Variants in TRPM3 observed in about 807,000 individuals in gnomAD.
TRPM3 encodes the protein transient receptor potential cation channel subfamily M member 3.
In TRPM3, 77 loss-of-function variants were observed where a neutral mutation model predicts 181.2. The observed-to-expected ratio is 0.42, with a 90% confidence interval of 0.35 to 0.51. TRPM3 has a LOEUF of 0.51. TRPM3 is among the 20% of genes least tolerant of loss of function. The pLI, the probability that TRPM3 is intolerant of heterozygous loss-of-function variation, is 0.01. For synonymous variants in TRPM3, 745 were observed against 796.4 expected, an observed-to-expected ratio of 0.94 and a Z score of 1.09; for missense variants, 1,759 against 2,196.7, an observed-to-expected ratio of 0.80 and a Z score of 3.98.
chr9:71,277,975 G>A (rs1019027080), intron 1 of TRPM3, among the ~76,000 whole-genome samples: 1 of 152,202 alleles, frequency 6.6e-6, no homozygotes, highest in Non-Finnish European at 1.5e-5. Context: ...TATAAAGAGA[G>A]TGGGACAGCA....
chr9:71,281,232 T>C (rs927467717), intron 1 of TRPM3, among the ~76,000 whole-genome samples: 4 of 152,092 alleles, frequency 2.6e-5, no homozygotes, highest in Non-Finnish European at 4.4e-5. Flanking sequence ...TGGAAGAAGC[T>C]GAGAAAACAA....
At chr9:70,560,966 T>G (rs930530867) in intron 22 of TRPM3, among the ~76,000 whole-genome samples, 2 of 152,156 alleles carry the variant, frequency 1.3e-5, no homozygotes, top group Non-Finnish European at 2.9e-5. Flanking sequence ...CCCTAAAAAG[T>G]CAGAGAAATT....
chr9:71,373,152 A>G (rs907242925), intron 1 of TRPM3, among the ~76,000 whole-genome samples: 2 of 152,194 alleles, frequency 1.3e-5, no homozygotes, highest in African/African-American at 4.8e-5. Context: ...ATAGCACTAC[A>G]TGCCCACATG....
chr9:71,164,650 A>G (rs898821383), intron 1 of TRPM3, among the ~76,000 whole-genome samples: 17 of 151,868 alleles, frequency 1.1e-4, no homozygotes, highest in African/African-American at 3.9e-4. Flanking sequence ...GAGAGTGAGA[A>G]CAATGAATTT....
At chr9:71,163,684 A>T (rs772824525) in intron 1 of TRPM3, among the ~76,000 whole-genome samples, 1 of 152,166 alleles carries the variant, frequency 6.6e-6, no homozygotes, top group Non-Finnish European at 1.5e-5. Flanking sequence ...GGATAAGCAC[A>T]TCTAAGATAT....
intron 6 of TRPM3, chr9:70,811,210 C>T: frequency 6.2e-7 from 1 of 1,612,424 alleles, no homozygotes; most frequent in Non-Finnish European, 8.5e-7. Context: ...ATGAATAAAA[C>T]AAGCGGGAGT....
At chr9:71,382,853 C>G (rs932987382) in intron 1 of TRPM3, among the ~76,000 whole-genome samples, 2 of 151,886 alleles carry the variant, frequency 1.3e-5, no homozygotes, top group Admixed American at 1.3e-4. Flanking sequence ...TACTCATCAA[C>G]CACTGGGATG....
chr9:71,037,666 T>C (rs1468462066), intron 1 of TRPM3, among the ~76,000 whole-genome samples: 1 of 152,262 alleles, frequency 6.6e-6, no homozygotes, highest in Non-Finnish European at 1.5e-5. Context: ...CTTCACTTCT[T>C]GGCTAACAGC....
chr9:70,668,672 GAAAAAAAA>G (rs57929544), intron 9 of TRPM3, among the ~76,000 whole-genome samples: 11 of 86,512 alleles, frequency 1.3e-4, no homozygotes, highest in South Asian at 8.9e-4. Context: ...CTCAAAAAAA[GAAAAAAAA>G]AAAAAAAAAA....
At chr9:70,922,971 A>C (rs1406788274) in intron 1 of TRPM3, among the ~76,000 whole-genome samples, 1 of 150,958 alleles carries the variant, frequency 6.6e-6, no homozygotes, top group Non-Finnish European at 1.5e-5. Flanking sequence ...CATCTGAAAC[A>C]GTGTAATTGA....
At chr9:70,772,886 C>T (rs550253724) in intron 7 of TRPM3, among the ~76,000 whole-genome samples, 3 of 152,352 alleles carry the variant, frequency 2.0e-5, no homozygotes, top group Admixed American at 6.5e-5. Context: ...ATCACACTCT[C>T]TGAGTTCATT....
At chr9:71,039,999 G>T (rs1428512235) in intron 1 of TRPM3, among the ~76,000 whole-genome samples, 1 of 152,034 alleles carries the variant, frequency 6.6e-6, no homozygotes, top group Admixed American at 6.6e-5. Flanking sequence ...CTGTTTCCTT[G>T]TTCAATAAAT....
At chr9:70,785,830 G>A (rs1331978303) in intron 6 of TRPM3, among the ~76,000 whole-genome samples, 1 of 152,130 alleles carries the variant, frequency 6.6e-6, no homozygotes, top group Non-Finnish European at 1.5e-5. Flanking sequence ...CACAAAAGTG[G>A]GTGCTGTTTT....
intron 8 of TRPM3, among the ~76,000 whole-genome samples, chr9:70,686,447 G>T (rs1216597359): frequency 6.6e-6 from 1 of 152,134 alleles, no homozygotes; most frequent in Non-Finnish European, 1.5e-5. Flanking sequence ...TCTGAGGGGA[G>T]TTCTTTAATT....
chr9:70,569,032 T>C (rs1401131995), intron 22 of TRPM3, among the ~76,000 whole-genome samples: 1 of 152,200 alleles, frequency 6.6e-6, no homozygotes, highest in African/African-American at 2.4e-5. Context: ...AGAAGCCCAG[T>C]CTTCATTTAA....
At chr9:71,150,598 T>C (rs1404195085) in intron 1 of TRPM3, among the ~76,000 whole-genome samples, 1 of 152,130 alleles carries the variant, frequency 6.6e-6, no homozygotes, top group East Asian at 1.9e-4. Context: ...ATACAACCTT[T>C]CAAATTATTT....
intron 7 of TRPM3, among the ~76,000 whole-genome samples, chr9:70,772,465 T>C: frequency 6.6e-6 from 1 of 152,022 alleles, no homozygotes; most frequent in East Asian, 1.9e-4. Flanking sequence ...CTTGGCCTCC[T>C]GAGATGCCAC....
At chr9:71,254,878 C>A (rs527319989) in intron 1 of TRPM3, among the ~76,000 whole-genome samples, 10 of 152,188 alleles carry the variant, frequency 6.6e-5, no homozygotes, top group African/African-American at 1.9e-4. Context: ...GGAAAGAAGA[C>A]AAAGGGTCCC....
intron 1 of TRPM3, among the ~76,000 whole-genome samples, chr9:71,285,669 T>C (rs1049553498): frequency 5.3e-5 from 8 of 152,222 alleles, no homozygotes; most frequent in African/African-American, 1.9e-4. Flanking sequence ...CCAGCTCAAG[T>C]GCTCAGACAT....
Sources: allele counts gnomAD v4.1 joint callset (sites outside exome capture counted in the v4.1 genomes callset), GRCh38; gene constraint gnomAD v4.1.1; transcripts MANE v1.5; gene names NCBI Gene and HGNC (gene_info 2026-07-23, HGNC 2026-07-21).